CLIP2: variants seen among roughly 807,000 people sequenced by gnomAD.
CLIP2 encodes the protein CAP-Gly domain-containing linker protein 2.
Under a neutral mutation model 111.7 loss-of-function variants are expected in CLIP2, and 41 were observed. That is an observed-to-expected ratio of 0.37 (90% CI 0.29 to 0.48). The LOEUF (loss-of-function observed/expected upper bound fraction) is 0.48, where lower values mean the gene tolerates loss of function less well. CLIP2 is among the 20% of genes least tolerant of loss of function. The pLI, the probability that CLIP2 is intolerant of heterozygous loss-of-function variation, is 0.99. For synonymous variants in CLIP2, 660 were observed against 644.2 expected (o/e 1.02, Z -0.37); for missense variants, 1,160 against 1,422.1 (o/e 0.82, Z 2.96).
chr7:74,344,732 A>G (rs1789755699), intron 3 of CLIP2, among the ~76,000 whole-genome samples: 1 of 152,084 alleles, frequency 6.6e-6, no homozygotes, highest in Non-Finnish European at 1.5e-5. Context: ...GGGAAGAGAA[A>G]GGACATTCGA....
chr7:74,295,756 G>A (rs183208088), intron 1 of CLIP2, among the ~76,000 whole-genome samples: 45 of 152,230 alleles, frequency 3.0e-4, no homozygotes, highest in Non-Finnish European at 5.7e-4. Context: ...TGTAATCCCA[G>A]CACTTTGGGA....
At chr7:74,351,643 C>A (rs1554307587) in intron 3 of CLIP2, among the ~76,000 whole-genome samples, 1 of 151,966 alleles carries the variant, frequency 6.6e-6, no homozygotes, top group Non-Finnish European at 1.5e-5. Context: ...CGAGACCAGC[C>A]TGGCCAACAT....
chr7:74,329,975 C>T (rs527432974), intron 2 of CLIP2, among the ~76,000 whole-genome samples: 2 of 152,042 alleles, frequency 1.3e-5, no homozygotes, highest in East Asian at 1.9e-4. Flanking sequence ...GACGGGGTTT[C>T]GCCATGTTGG....
At chr7:74,350,902 A>G (rs57338372) in intron 3 of CLIP2, among the ~76,000 whole-genome samples, 10 of 148,390 alleles carry the variant, frequency 6.7e-5, no homozygotes, top group African/African-American at 2.5e-4. Flanking sequence ...AGGAAGGAAG[A>G]AAGGAAGGAA....
rs578101035 is a variant in CLIP2, at chr7:74,357,429, C to T, written c.1167C>T (p.Ile389=). 2.5e-6 allele frequency: 4 copies of T among 1,614,132 alleles called. No individual in the cohort carries two copies. The highest frequency in any genetic ancestry group is 2.5e-6 in the Non-Finnish European group (3 of 1,180,010). ...AGGTGGCCAAGGCCACAAGCCACATCTGCGAGGTGGAGAAGGAGATTGCCC... is the reference window on the plus strand; with the variant it reads ...AGGTGGCCAAGGCCACAAGCCACATTTGCGAGGTGGAGAAGGAGATTGCCC... ...RAEVAKATSH[I]CEVEKEIALL... The change falls in exon 6 of 17, where the codon ATC becomes ATT. Residue 389 remains isoleucine, a synonymous_variant. Transcript: ENST00000223398.
At chr7:74,366,935 T>C (rs1453213637) in intron 8 of CLIP2, among the ~76,000 whole-genome samples, 2 of 145,122 alleles carry the variant, frequency 1.4e-5, no homozygotes, top group Non-Finnish European at 3.0e-5. Flanking sequence ...TCTATTCCAA[T>C]CTAGCTTCCA....
intron 2 of CLIP2, among the ~76,000 whole-genome samples, chr7:74,326,319 T>G (rs559723797): frequency 6.6e-6 from 1 of 152,274 alleles, no homozygotes; most frequent in South Asian, 2.1e-4. Context: ...CTGAGACTCA[T>G]GCCAGACTGA....
intron 8 of CLIP2, among the ~76,000 whole-genome samples, chr7:74,371,243 C>CAAAA (rs781898485): frequency 1.7e-3 from 102 of 61,108 alleles, no homozygotes; most frequent in Middle Eastern, 0.014. Context: ...AACTATGCCT[C>CAAAA]AAAAAAAAAA....
rs782243428 is a variant in CLIP2, at chr7:74,353,907, C to A, written c.706C>A (p.Arg236=). Residue 236 remains arginine (R), a synonymous_variant, in exon 4 of 17, where the codon CGG becomes AGG. Transcript: ENST00000223398. ...TGGCGGGACGAAGACTGGCGTGGTG[C>A]GGTACGTGGGGGAGACAGACTTTGC... ...LVGGTKTGVV[R]YVGETDFAKG... 1 of 1,614,118 alleles carries A rather than the reference C, an allele frequency of 6.2e-7. No homozygotes were observed. Among genetic ancestry groups the A allele is most frequent in the South Asian group, 1.1e-5 (1 of 91,090 alleles).
At chr7:74,289,883 C>A (rs1372865746) in intron 1 of CLIP2, 149 bp downstream of exon 1, 1 of 152,980 alleles carries the variant, frequency 6.5e-6, no homozygotes, top group Non-Finnish European at 1.5e-5. Flanking sequence ...TCGAGGCCGG[C>A]CGGTGGGCGT....
intron 2 of CLIP2, among the ~76,000 whole-genome samples, chr7:74,328,935 C>T (rs926631555): frequency 1.3e-5 from 2 of 149,512 alleles, no homozygotes; most frequent in Non-Finnish European, 1.5e-5. Flanking sequence ...ATTTTTGAGA[C>T]AGAGTCTCAT....
rs1047832877 is a variant in CLIP2, at chr7:74,386,591, G to A, written c.2550G>A (p.Arg850=). 2.1e-5 allele frequency: 33 copies of A among 1,607,986 alleles called. No individual in the cohort carries two copies. The highest frequency in any genetic ancestry group is 2.7e-5 in the Non-Finnish European group (32 of 1,177,830). ...TALTSQTEML[R]AQVSALESKC... is the part of the protein sequence containing the mutation. ...TGACCTCCCAGACCGAGATGCTCAG[G>A]GCCCAAGTAAGTGGTAAGTCTCCCT... The change falls in exon 12 of 17, where the codon AGG becomes AGA. Residue 850 remains arginine (R), a synonymous_variant. Coordinates refer to ENST00000223398, the MANE Select transcript of CLIP2 (RefSeq NM_003388.5).
intron 2 of CLIP2, among the ~76,000 whole-genome samples, chr7:74,331,592 G>T (rs1210871715): frequency 9.4e-6 from 1 of 106,934 alleles, no homozygotes; most frequent in Non-Finnish European, 1.7e-5. Flanking sequence ...TTTTGAGACA[G>T]AGTCTCACTC....
chr7:74,307,641 C>T (rs782575427), intron 1 of CLIP2, among the ~76,000 whole-genome samples: 5 of 152,140 alleles, frequency 3.3e-5, no homozygotes, highest in Non-Finnish European at 7.3e-5. Context: ...CAGGTGCCCA[C>T]CACCATGCCT....
chr7:74,379,802 G>A (rs1562720829), intron 10 of CLIP2, among the ~76,000 whole-genome samples: 1 of 151,788 alleles, frequency 6.6e-6, no homozygotes, highest in African/African-American at 2.4e-5. Context: ...AATTAGCTGG[G>A]CGTGGTGGTG....
At chr7:74,374,096 C>T (rs1037781374) in intron 9 of CLIP2, among the ~76,000 whole-genome samples, 1 of 152,144 alleles carries the variant, frequency 6.6e-6, no homozygotes, top group Non-Finnish European at 1.5e-5. Context: ...CAGCCGGCCC[C>T]CCAGCAGTCC....
At chr7:74,294,753 G>A (rs1788123572) in intron 1 of CLIP2, among the ~76,000 whole-genome samples, 1 of 152,162 alleles carries the variant, frequency 6.6e-6, no homozygotes, top group Non-Finnish European at 1.5e-5. Flanking sequence ...TACTAAATTG[G>A]GAAGACATCC....
At position 74,376,321 on chromosome 7, in the gene CLIP2, C is replaced by T. The variant is rs376758738; in HGVS notation, c.1920C>T (p.Gly640=). Residue 640 remains glycine, a synonymous_variant, in exon 10 of 17, where the codon GGC becomes GGT. Transcript: ENST00000223398. The surrounding 1 kb of genome is among the most constrained non-coding windows in gnomAD (Gnocchi z 7.1). ...AAGCCACCCTGAACTCGGGCCCAGG[C>T]GCCCAGCAGAAGGAGATCGGCGAGC... ...DLKATLNSGP[G]AQQKEIGELK... is the part of the protein sequence containing the mutation. The T allele has an allele frequency of 6.8e-6, 11 of 1,613,738 alleles. No homozygotes were observed. Among genetic ancestry groups the T allele is most frequent in the African/African-American group, 1.3e-5 (1 of 74,894 alleles).
intron 2 of CLIP2, among the ~76,000 whole-genome samples, chr7:74,317,989 C>T (rs1554729434): frequency 6.6e-6 from 1 of 151,838 alleles, no homozygotes; most frequent in African/African-American, 2.4e-5. Flanking sequence ...GTCAAGAGTT[C>T]GAGACCGAAA....
Sources: allele counts gnomAD v4.1 joint callset (sites outside exome capture counted in the v4.1 genomes callset), GRCh38; gene constraint gnomAD v4.1.1; non-coding constraint Gnocchi (gnomAD v3.1); transcripts MANE v1.5; gene names NCBI Gene and HGNC (gene_info 2026-07-23, HGNC 2026-07-21).